Variants in GALNT13 observed in about 807,000 individuals in gnomAD.
The protein encoded by GALNT13 is polypeptide N-acetylgalactosaminyltransferase 13.
A neutral mutation model predicts 64.2 loss-of-function variants in GALNT13; 28 were observed. The observed-to-expected ratio is 0.44, with a 90% CI of 0.32 to 0.60. GALNT13 has a LOEUF of 0.60. GALNT13 is among the 20% of genes least tolerant of loss of function. The probability of loss-of-function intolerance (pLI) is 0.05; values close to 1 mark genes in which losing one functional copy is unlikely to be tolerated. For synonymous variants in GALNT13, 214 were observed against 224.6 expected (o/e 0.95, Z 0.42); for missense variants, 577 against 669.8 (o/e 0.86, Z 1.53).
Position 153,931,343 on chromosome 2 carries a change from T to C in GALNT13, c.-104-13051T>C, listed in dbSNP as rs141951886. On this transcript the variant is annotated intron_variant, in intron 2 of 12. Coordinates refer to ENST00000392825, the MANE Select transcript of GALNT13 (RefSeq NM_052917.4). ...TATTTGGATAGCTTTTATTTCTCTC[T>C]CTCGCTTGATTACTCTCACTATGAC... Among the ~76,000 whole-genome samples, 854 of 151,832 alleles carry C rather than the reference T, an allele frequency of 5.6e-3. 5 individuals are homozygous for C. The highest frequency in any genetic ancestry group is 0.019 in the African/African-American group (784 of 41,408).
chr2:154,289,773 T>C (rs1692493281), intron 8 of GALNT13, among the ~76,000 whole-genome samples: 1 of 152,206 alleles, frequency 6.6e-6, no homozygotes, highest in Admixed American at 6.5e-5. Flanking sequence ...GGGATTCAGC[T>C]AGAGAGGCTA....
chr2:153,522,324 C>G, the GALNT13 span, among the ~76,000 whole-genome samples: 1 of 151,416 alleles, frequency 6.6e-6, no homozygotes, highest in Non-Finnish European at 1.5e-5. Flanking sequence ...CAGAGTGAGG[C>G]TCTGTCTCAA....
chr2:153,452,837 A>G, the GALNT13 span, among the ~76,000 whole-genome samples: 1 of 152,160 alleles, frequency 6.6e-6, no homozygotes. Context: ...AGCAAAAACA[A>G]CAAAGCTGGA....
At position 154,287,034 on chromosome 2, in the gene GALNT13, G is replaced by A. The variant is rs1156797271; in HGVS notation, c.976-14375G>A. On this transcript the variant is annotated intron_variant, in intron 8 of 12. Transcript: ENST00000392825. ...TCACCCAAAGAGAGCTGGTCTCCAGGCAGGTGAGTGATGACCTTACAGGTC... is the reference window on the plus strand; with the variant it reads ...TCACCCAAAGAGAGCTGGTCTCCAGACAGGTGAGTGATGACCTTACAGGTC... 21 of 637,964 alleles carry A rather than the reference G, an allele frequency of 3.3e-5. 1 individual carries two copies. The Admixed American group carries it at 4.3e-4, about 13-fold the overall frequency. The allele number at this position is 637,964 out of a possible 1,614,324, so 39.5% of individuals were successfully genotyped here.
chr2:153,165,022 A>G, the GALNT13 span, among the ~76,000 whole-genome samples: 871 of 152,322 alleles, frequency 5.7e-3, 3 homozygotes, highest in South Asian at 0.021. Flanking sequence ...GAGTTGGCAT[A>G]TCTTTAGTTA....
chr2:153,716,661 A>G, the GALNT13 span, among the ~76,000 whole-genome samples: 1 of 152,192 alleles, frequency 6.6e-6, no homozygotes, highest in Non-Finnish European at 1.5e-5. Flanking sequence ...GGTCATTCCA[A>G]TGACCACCAA....
At chr2:154,224,654 G>T (rs568405073) in intron 4 of GALNT13, among the ~76,000 whole-genome samples, 1 of 151,978 alleles carries the variant, frequency 6.6e-6, no homozygotes, top group Non-Finnish European at 1.5e-5. Context: ...TGATAAAAAT[G>T]ACAAATCACT....
chr2:154,202,440 G>T (rs1479600153), intron 4 of GALNT13, among the ~76,000 whole-genome samples: 1 of 151,952 alleles, frequency 6.6e-6, no homozygotes, highest in African/African-American at 2.4e-5. Flanking sequence ...ATTTTTTAAG[G>T]CACATATTCT....
the GALNT13 span, among the ~76,000 whole-genome samples, chr2:153,433,205 G>C: frequency 6.6e-6 from 1 of 152,088 alleles, no homozygotes; most frequent in Non-Finnish European, 1.5e-5. Flanking sequence ...TGATTTCAAA[G>C]GAGAACTTGA....
intron 9 of GALNT13, among the ~76,000 whole-genome samples, chr2:154,375,980 A>G (rs1445857678): frequency 1.3e-5 from 2 of 152,232 alleles, no homozygotes; most frequent in Non-Finnish European, 2.9e-5. Context: ...GGAAGGACGT[A>G]GTTGTTACTG....
the GALNT13 span, among the ~76,000 whole-genome samples, chr2:153,784,442 G>T: frequency 6.6e-6 from 1 of 152,140 alleles, no homozygotes; most frequent in Admixed American, 6.6e-5. Context: ...GAGCATAAAC[G>T]TTTAGAAAAT....
At chr2:153,428,210 G>A in the GALNT13 span, among the ~76,000 whole-genome samples, 1 of 152,146 alleles carries the variant, frequency 6.6e-6, no homozygotes, top group African/African-American at 2.4e-5. Context: ...GAATAGCTGA[G>A]GTTTATTTGG....
chr2:153,673,135 A>T, the GALNT13 span, among the ~76,000 whole-genome samples: 3 of 152,214 alleles, frequency 2.0e-5, no homozygotes, highest in Non-Finnish European at 4.4e-5. Flanking sequence ...AGATACAAAG[A>T]TGAGCTGGTA....
the GALNT13 span, among the ~76,000 whole-genome samples, chr2:153,507,801 G>A: frequency 2.0e-5 from 3 of 152,154 alleles, no homozygotes; most frequent in Admixed American, 6.5e-5. Context: ...GGTGGACTAC[G>A]TCAGAGGGAA....
At chr2:153,326,173 C>T in the GALNT13 span, among the ~76,000 whole-genome samples, 1 of 152,242 alleles carries the variant, frequency 6.6e-6, no homozygotes, top group East Asian at 1.9e-4. Context: ...GTACTGGGTG[C>T]ATATATATTT....
chr2:153,135,221 A>G, the GALNT13 span, among the ~76,000 whole-genome samples: 1 of 152,062 alleles, frequency 6.6e-6, no homozygotes, highest in African/African-American at 2.4e-5. Flanking sequence ...AAGGCTACCA[A>G]TCTTATTGTA....
chr2:153,578,437 A>G, the GALNT13 span, among the ~76,000 whole-genome samples: 2 of 152,216 alleles, frequency 1.3e-5, no homozygotes, highest in Non-Finnish European at 2.9e-5. Flanking sequence ...ACCCAGAGTA[A>G]AAGAGTGAAA....
intron 9 of GALNT13, among the ~76,000 whole-genome samples, chr2:154,338,270 T>A (rs1261715853): frequency 6.6e-6 from 1 of 152,162 alleles, no homozygotes; most frequent in East Asian, 1.9e-4. Context: ...TTCTACAGTG[T>A]TTGTACCAAA....
chr2:153,572,608 T>C, the GALNT13 span, among the ~76,000 whole-genome samples: 1 of 151,972 alleles, frequency 6.6e-6, no homozygotes. Flanking sequence ...AGTATTGCTT[T>C]TGCTGTATCC....
Sources: allele counts gnomAD v4.1 joint callset (sites outside exome capture counted in the v4.1 genomes callset), GRCh38; gene constraint gnomAD v4.1.1; transcripts MANE v1.5; gene names NCBI Gene and HGNC (gene_info 2026-07-23, HGNC 2026-07-21).